The following ADGRG2 variants were observed in gnomAD, a reference collection of about 807,000 sequenced individuals.
ADGRG2 encodes the protein G protein-coupled receptor 64.
Under a neutral mutation model 74.1 loss-of-function variants are expected in ADGRG2, and 26 were observed. The observed-to-expected ratio is 0.35, with a 90% confidence interval of 0.26 to 0.49. ADGRG2 has a LOEUF of 0.49. ADGRG2 is among the 20% of genes least tolerant of loss of function. The pLI, the probability that ADGRG2 is intolerant of heterozygous loss-of-function variation, is 0.99. For synonymous variants in ADGRG2, 296 were observed against 295.2 expected, an observed-to-expected ratio of 1.00 and a Z score of -0.03; for missense variants, 619 against 763.1, an observed-to-expected ratio of 0.81 and a Z score of 2.22.
At chrX:19,015,080 ACT>A (rs1263340047) in intron 15 of ADGRG2, among the ~76,000 whole-genome samples, 1 of 111,423 alleles carries the variant, frequency 9.0e-6, no homozygotes, top group Non-Finnish European at 1.9e-5. Context: ...GTCCTCACCT[ACT>A]CTCTGGCACA....
At chrX:19,112,569 C>T (rs947340078) in intron 1 of ADGRG2, among the ~76,000 whole-genome samples, 2 of 107,992 alleles carry the variant, frequency 1.9e-5, no homozygotes, top group East Asian at 2.9e-4. Flanking sequence ...ATGTCATCCA[C>T]GCAGTGTTCA....
At chrX:19,088,615 G>C (rs1242615250) in intron 1 of ADGRG2, among the ~76,000 whole-genome samples, 6 of 111,224 alleles carry the variant, frequency 5.4e-5, no homozygotes, top group Admixed American at 9.6e-5. Flanking sequence ...AGCCTCCTGA[G>C]TAGCTGGGAC....
chrX:19,027,093 C>T, intron 11 of ADGRG2, 126 bp downstream of exon 11: 1 of 564,859 alleles, frequency 1.8e-6, no homozygotes, highest in Non-Finnish European at 3.1e-6. Flanking sequence ...AGTCAAGAAC[C>T]AATTGGCTCT....
At chrX:19,117,091 A>T (rs888849264) in intron 1 of ADGRG2, among the ~76,000 whole-genome samples, 21 of 110,536 alleles carry the variant, frequency 1.9e-4, no homozygotes, top group Non-Finnish European at 2.5e-4. Flanking sequence ...GGAGTTCAAG[A>T]CCAACCTGGC....
chrX:19,113,363 A>G (rs1411486073), intron 1 of ADGRG2, among the ~76,000 whole-genome samples: 2 of 111,122 alleles, frequency 1.8e-5, no homozygotes, highest in South Asian at 3.8e-4. Flanking sequence ...ATCTCAATCA[A>G]TCAATCAATC....
At chrX:19,099,386 G>A (rs183754044) in intron 1 of ADGRG2, among the ~76,000 whole-genome samples, 1 of 112,155 alleles carries the variant, frequency 8.9e-6, no homozygotes. Context: ...ATGGGGGTAT[G>A]TGAGAGTAAA....
At chrX:19,076,772 A>G (rs936654404) in intron 2 of ADGRG2, among the ~76,000 whole-genome samples, 1 of 111,618 alleles carries the variant, frequency 9.0e-6, no homozygotes, top group African/African-American at 3.3e-5. Context: ...GTGTCTTGAA[A>G]CAAAACAAAA....
chrX:19,008,235 TAA>T (rs397951783), intron 18 of ADGRG2, 112 bp from the exon 19 acceptor site: 111 of 475,299 alleles, frequency 2.3e-4, no homozygotes, highest in African/African-American at 5.3e-4. Flanking sequence ...ATTTTTTTTT[TAA>T]AAAAAGATAA....
In ADGRG2 at chrX:18,991,029, C is replaced by T; in HGVS notation, c.2889G>A (p.Arg963=). The T allele has an allele frequency of 8.4e-7, 1 of 1,187,849 alleles. No individual in the cohort carries two copies. The highest frequency in any genetic ancestry group is 1.1e-6 in the Non-Finnish European group (1 of 879,945). ...ASGNGNASTE[R]NGVSFSVQNG... ...TCTGAACACTAAAAGAGACCCCATT[C>T]CTCTCTGTAGAAGCATTTCCTGTAT... Residue 963 remains arginine (R), a synonymous_variant, in exon 29 of 29, where the codon AGG becomes AGA. Coordinates refer to ENST00000379869, the MANE Select transcript of ADGRG2 (RefSeq NM_001079858.3).
chrX:19,021,551 A>G (rs927487620), intron 13 of ADGRG2, among the ~76,000 whole-genome samples: 1 of 111,905 alleles, frequency 8.9e-6, no homozygotes, highest in African/African-American at 3.2e-5. Flanking sequence ...CTCACCCCCA[A>G]AACACTAGCT....
chrX:19,116,665 G>A (rs1219649987), intron 1 of ADGRG2, among the ~76,000 whole-genome samples: 1 of 110,962 alleles, frequency 9.0e-6, no homozygotes, highest in Non-Finnish European at 1.9e-5. Flanking sequence ...AGAGAAATAG[G>A]TAGTTACACT....
chrX:19,086,547 G>A (rs1386772588), intron 1 of ADGRG2, among the ~76,000 whole-genome samples: 1 of 111,351 alleles, frequency 9.0e-6, no homozygotes, highest in African/African-American at 3.3e-5. Context: ...AATGACCTCC[G>A]GGTGTACTTA....
At chrX:19,102,043 T>C (rs1337482938) in intron 1 of ADGRG2, among the ~76,000 whole-genome samples, 1 of 110,278 alleles carries the variant, frequency 9.1e-6, no homozygotes, top group Non-Finnish European at 1.9e-5. Context: ...CAGGTACCAT[T>C]TGGATGTTAG....
At chrX:19,057,413 AGGTAAAGGAGACTT>A (rs1387404819) in intron 3 of ADGRG2, among the ~76,000 whole-genome samples, 1 of 112,056 alleles carries the variant, frequency 8.9e-6, no homozygotes, top group East Asian at 2.8e-4. Context: ...TCCACTTCAG[AGGTAAAGGAGACTT>A]GAAGATGACC....
At chrX:19,000,018 G>A (rs1426622141) in intron 24 of ADGRG2, 58 bp from the exon 25 acceptor site, 13 of 605,609 alleles carry the variant, frequency 2.1e-5, no homozygotes, top group Non-Finnish European at 2.9e-5. Flanking sequence ...TTTTGAGACG[G>A]ATTCTTGCTC....
chrX:19,051,015 G>A (rs2061309760), intron 3 of ADGRG2, among the ~76,000 whole-genome samples: 1 of 111,750 alleles, frequency 8.9e-6, no homozygotes, highest in African/African-American at 3.3e-5. Flanking sequence ...ACTGCTGCGT[G>A]GTGATACGAT....
At chrX:19,013,187 C>T (rs913033569) in intron 16 of ADGRG2, among the ~76,000 whole-genome samples, 2 of 111,347 alleles carry the variant, frequency 1.8e-5, no homozygotes, top group East Asian at 2.8e-4. Context: ...TTCAGACCTG[C>T]CAATTTTTTC....
At chrX:19,015,548 G>A (rs911698507) in intron 15 of ADGRG2, among the ~76,000 whole-genome samples, 3 of 112,573 alleles carry the variant, frequency 2.7e-5, no homozygotes, top group African/African-American at 9.7e-5. Flanking sequence ...GCGAAACCCT[G>A]TCTCTACTAA....
rs1357805196 is a variant in ADGRG2 at position 18,998,624 on chromosome X, T to A, written c.2614+372A>T. Among the ~76,000 whole-genome samples the A allele has an allele frequency of 4.8e-5, 5 of 105,066 alleles. No homozygotes were observed. The East Asian group carries it at 8.9e-4, about 19-fold the overall frequency. The allele number at this position is 105,066 out of a possible 115,157, so 91.2% of individuals were successfully genotyped here. ...ACTTTTTTTTTTTTTTTTTTTTTTT[T>A]ACAAATTGAAGGTTGTGGCAGCCCT... On this transcript the variant is annotated intron_variant, in intron 26 of 28. Coordinates refer to ENST00000379869, the MANE Select transcript of ADGRG2 (RefSeq NM_001079858.3).
Sources: gnomAD v4.1 joint callset for allele counts (sites outside exome capture counted in the v4.1 genomes callset) on GRCh38, gnomAD v4.1.1 for gene constraint, MANE v1.5 for transcripts, NCBI Gene and HGNC (gene_info 2026-07-23, HGNC 2026-07-21) for gene names.